Variants in PPP3CA observed in about 807,000 individuals in gnomAD.
PPP3CA encodes protein phosphatase 3 catalytic subunit alpha, also known as CAM-PRP catalytic subunit.
A neutral mutation model predicts 66.5 loss-of-function variants in PPP3CA; 14 were observed. That is an observed-to-expected ratio of 0.21 (90% CI 0.14 to 0.33). The LOEUF (loss-of-function observed/expected upper bound fraction) is 0.33, where lower values mean the gene tolerates loss of function less well. Ranked by LOEUF, PPP3CA falls within the 10% of genes least tolerant of loss-of-function variation. PPP3CA has a pLI of 1.00. For missense variants in PPP3CA, 317 were observed against 639.5 expected (o/e 0.50, Z 5.44); for synonymous variants, 232 against 226.2 (o/e 1.03, Z -0.23).
At chr4:101,312,622 T>C (rs968317614) in intron 1 of PPP3CA, among the ~76,000 whole-genome samples, 2 of 152,004 alleles carry the variant, frequency 1.3e-5, no homozygotes, top group Admixed American at 6.6e-5. Context: ...AATTTAAAAA[T>C]TAAAAAAAAG....
chr4:101,045,807 G>T (rs1395868580), intron 10 of PPP3CA, among the ~76,000 whole-genome samples: 1 of 152,154 alleles, frequency 6.6e-6, no homozygotes, highest in East Asian at 1.9e-4. Flanking sequence ...AAAAAAGAAA[G>T]AAATGGTTAG....
chr4:101,229,241 T>A (rs3804392), intron 1 of PPP3CA, among the ~76,000 whole-genome samples: 100,823 of 150,610 alleles, frequency 0.67, 34,604 homozygotes, highest in Middle Eastern at 0.76. Context: ...TATTTTACAC[T>A]CACACACACA....
rs1726519335 is a variant in PPP3CA at position 101,024,215 on chromosome 4, AAGCCTGTGGAAATC to A, written c.*1636_*1649del. The A allele has an allele frequency of 6.6e-6, 1 of 152,230 alleles. No individual in the cohort carries two copies. 9.4% of individuals were successfully genotyped at this position (152,230 alleles called of 1,614,324 possible). On this transcript the variant is annotated 3_prime_UTR_variant, in exon 14 of 14. Coordinates refer to ENST00000394854, the MANE Select transcript of PPP3CA (RefSeq NM_000944.5). ...CTCAGATCACGAGGCCCCTAGGAAG[AAGCCTGTGGAAATC>A]AGCCTGTGATGTGTGGTGGTGGGCC...
chr4:101,176,790 C>CA (rs1184290460), intron 2 of PPP3CA, among the ~76,000 whole-genome samples: 1 of 151,878 alleles, frequency 6.6e-6, no homozygotes, highest in East Asian at 1.9e-4. Context: ...GAAGCCCCCC[C>CA]AAAAAACCAC....
intron 5 of PPP3CA, among the ~76,000 whole-genome samples, chr4:101,095,539 C>A (rs1252857253): frequency 6.6e-6 from 1 of 151,908 alleles, no homozygotes; most frequent in Non-Finnish European, 1.5e-5. Context: ...GGAAGTAAGT[C>A]CTAGGGATAT....
At chr4:101,073,259 T>C (rs1729000958) in intron 8 of PPP3CA, among the ~76,000 whole-genome samples, 1 of 149,486 alleles carries the variant, frequency 6.7e-6, no homozygotes, top group Non-Finnish European at 1.5e-5. Flanking sequence ...GTGTGTATAG[T>C]GTATATACAC....
intron 6 of PPP3CA, among the ~76,000 whole-genome samples, chr4:101,084,840 T>G (rs1421881284): frequency 2.0e-5 from 3 of 152,170 alleles, no homozygotes; most frequent in African/African-American, 7.2e-5. Context: ...CCCAGTCAAT[T>G]CAATAAATAA....
chr4:101,217,956 C>T (rs995758873), intron 1 of PPP3CA, among the ~76,000 whole-genome samples: 15 of 151,974 alleles, frequency 9.9e-5, no homozygotes, highest in African/African-American at 2.2e-4. Context: ...CCCCGAGTGA[C>T]GCTCAAGGGA....
intron 1 of PPP3CA, among the ~76,000 whole-genome samples, chr4:101,344,622 C>A (rs1729920530): frequency 6.6e-6 from 1 of 152,092 alleles, no homozygotes; most frequent in African/African-American, 2.4e-5. Flanking sequence ...AATGAAAAGT[C>A]ATTTATAATG....
In PPP3CA at chr4:101,103,257, T is replaced by C. The variant is rs138946079; in HGVS notation, c.385-3535A>G. ...AAGAAAATGGACAGCTTTAGGTACA[T>C]ATTAATCAGCTCTTTAAAGTAACTA... On this transcript the variant is annotated intron_variant, in intron 3 of 13. Transcript: ENST00000394854. Among the ~76,000 whole-genome samples the C allele has an allele frequency of 4.6e-5, 7 of 152,310 alleles. No homozygotes were observed. In the East Asian group the frequency reaches 1.2e-3, roughly 25 times the overall value.
intron 10 of PPP3CA, among the ~76,000 whole-genome samples, chr4:101,051,787 T>C (rs1157728203): frequency 6.6e-6 from 1 of 152,140 alleles, no homozygotes; most frequent in East Asian, 1.9e-4. Context: ...AGATATGCAA[T>C]AGCTAATGTT....
intron 2 of PPP3CA, among the ~76,000 whole-genome samples, chr4:101,190,174 A>C (rs971656456): frequency 6.6e-6 from 1 of 152,094 alleles, no homozygotes; most frequent in East Asian, 1.9e-4. Flanking sequence ...ATTACCTGAA[A>C]CACCACTTCT....
chr4:101,170,256 A>C (rs1255789992), intron 2 of PPP3CA, among the ~76,000 whole-genome samples: 1 of 130,976 alleles, frequency 7.6e-6, no homozygotes, highest in Non-Finnish European at 1.8e-5. Flanking sequence ...AATTATATAA[A>C]ACTACATAGA....
intron 2 of PPP3CA, among the ~76,000 whole-genome samples, chr4:101,141,862 C>T (rs1047956929): frequency 3.3e-5 from 5 of 152,062 alleles, no homozygotes; most frequent in South Asian, 2.1e-4. Flanking sequence ...ATTGAGTGAA[C>T]GAATGAATGT....
chr4:101,311,734 C>A (rs1578655323), intron 1 of PPP3CA, among the ~76,000 whole-genome samples: 1 of 152,116 alleles, frequency 6.6e-6, no homozygotes, highest in Non-Finnish European at 1.5e-5. Context: ...GATCTGAGAT[C>A]GTGCCACTGC....
At chr4:101,128,024 A>C (rs1722301092) in intron 2 of PPP3CA, among the ~76,000 whole-genome samples, 1 of 152,198 alleles carries the variant, frequency 6.6e-6, no homozygotes, top group African/African-American at 2.4e-5. Flanking sequence ...TCTGATGTAC[A>C]TATAGGACTT....
chr4:101,161,771 G>T (rs1317084275), intron 2 of PPP3CA, among the ~76,000 whole-genome samples: 1 of 152,138 alleles, frequency 6.6e-6, no homozygotes, highest in African/African-American at 2.4e-5. Flanking sequence ...ATGTGTAAGA[G>T]AAAAGTCATT....
Position 101,172,548 on chromosome 4 carries a change from T to C in PPP3CA, c.259+23368A>G, listed in dbSNP as rs959546647. Reference sequence around the variant, plus strand: ...CTTGTGACTAAATGTCCCCAAAATGTTTTCCTCACTTTCCTTTCTTTTAAA... The same window carrying C: ...CTTGTGACTAAATGTCCCCAAAATGCTTTCCTCACTTTCCTTTCTTTTAAA... On this transcript the variant is annotated intron_variant, in intron 2 of 13. Coordinates refer to ENST00000394854, the MANE Select transcript of PPP3CA (RefSeq NM_000944.5). Among the ~76,000 whole-genome samples, 5 of 152,072 alleles carry C rather than the reference T, an allele frequency of 3.3e-5. No homozygotes were observed. The South Asian group carries it at 6.2e-4, about 19-fold the overall frequency.
At chr4:101,031,393 ATTG>A (rs2110204526) in intron 12 of PPP3CA, among the ~76,000 whole-genome samples, 2 of 152,302 alleles carry the variant, frequency 1.3e-5, no homozygotes, top group Admixed American at 1.3e-4. Flanking sequence ...GCAATCTCCT[ATTG>A]TTAAAATTGT....
Sources: allele counts gnomAD v4.1 joint callset (sites outside exome capture counted in the v4.1 genomes callset), GRCh38; gene constraint gnomAD v4.1.1; transcripts MANE v1.5; gene names NCBI Gene and HGNC (gene_info 2026-07-23, HGNC 2026-07-21).